Variants in STK33 observed in about 807,000 individuals in gnomAD.
STK33 encodes serine/threonine-protein kinase 33.
STK33 carries 52 observed loss-of-function variants against 58.0 expected under a neutral mutation model. The observed-to-expected ratio is 0.90, with a 90% CI of 0.72 to 1.13. The LOEUF is 1.13. STK33 is among the 50% of genes most tolerant of loss of function. The pLI is 0.00. For synonymous variants in STK33, 215 were observed against 200.1 expected (o/e 1.07, Z -0.63); for missense variants, 630 against 604.2 (o/e 1.04, Z -0.45).
chr11:8,503,583 T>A (rs1051071866), intron 1 of STK33, among the ~76,000 whole-genome samples: 4 of 152,194 alleles, frequency 2.6e-5, no homozygotes, highest in African/African-American at 4.8e-5. Context: ...AACTTATTTA[T>A]GTAACAAACC....
chr11:8,398,404 C>A (rs1201865756), intron 15 of STK33, among the ~76,000 whole-genome samples: 1 of 152,132 alleles, frequency 6.6e-6, no homozygotes, highest in Non-Finnish European at 1.5e-5. Context: ...CACAGACAAG[C>A]AAATGCTGAG....
At chr11:8,517,933 G>C (rs548748928) in intron 1 of STK33, among the ~76,000 whole-genome samples, 45 of 152,270 alleles carry the variant, frequency 3.0e-4, no homozygotes, top group Non-Finnish European at 5.4e-4. Context: ...TATTATCCAG[G>C]AGAACTTCCC....
At chr11:8,522,317 C>A (rs1464988293) in intron 1 of STK33, among the ~76,000 whole-genome samples, 1 of 152,130 alleles carries the variant, frequency 6.6e-6, no homozygotes, top group African/African-American at 2.4e-5. Flanking sequence ...AGTTCATGTC[C>A]TTTGCAGGGA....
rs754338855 is a variant in STK33 at position 8,474,823 on chromosome 11, C to T, written c.83G>A (p.Cys28Tyr). The T allele has an allele frequency of 1.9e-6, 3 of 1,612,988 alleles. No individual in the cohort carries two copies. The highest frequency in any genetic ancestry group is 1.1e-5 in the South Asian group (1 of 90,674). Reference sequence around the variant, plus strand: ...TGGAGGAACCCTTGTTTTGCTGGAACATACACAAAGTACATCTTTCTGAGA... The same window carrying T: ...TGGAGGAACCCTTGTTTTGCTGGAATATACACAAAGTACATCTTTCTGAGA... The part of the protein sequence containing the change: ...SASQKDVLCV[C>Y]SSKTRVPPVL... The change falls in exon 5 of 16, where the codon TGT becomes TAT. Residue 28 changes from cysteine (C) to tyrosine (Y), a missense_variant. Physicochemically the swap from Cys to Tyr is radical, Grantham distance 194. Transcript: ENST00000687296.
chr11:8,340,039 C>T, the STK33 span, among the ~76,000 whole-genome samples: 2 of 152,250 alleles, frequency 1.3e-5, no homozygotes, highest in Non-Finnish European at 2.9e-5. Flanking sequence ...CAGCTGAGGG[C>T]CTTGGGGAAC....
At chr11:8,424,473 G>A (rs1054934976) in intron 14 of STK33, among the ~76,000 whole-genome samples, 1 of 151,610 alleles carries the variant, frequency 6.6e-6, no homozygotes, top group African/African-American at 2.4e-5. Context: ...CTTTATAGCA[G>A]CATGATTTAT....
At chr11:8,340,821 A>G in the STK33 span, among the ~76,000 whole-genome samples, 7,208 of 152,198 alleles carry the variant, frequency 0.047, 235 homozygotes, top group Middle Eastern at 0.12. Context: ...GTCTTGCCCC[A>G]GGTCAAACTT....
intron 15 of STK33, among the ~76,000 whole-genome samples, chr11:8,400,106 C>T (rs1850117562): frequency 6.6e-6 from 1 of 152,208 alleles, no homozygotes; most frequent in African/African-American, 2.4e-5. Context: ...GGAATCCTCC[C>T]TAGCTCATTT....
chr11:8,350,433 G>A, the STK33 span, among the ~76,000 whole-genome samples: 3 of 152,200 alleles, frequency 2.0e-5, no homozygotes, highest in African/African-American at 7.2e-5. Flanking sequence ...AGCCAGCTGA[G>A]AAGCATCGGA....
intron 1 of STK33, among the ~76,000 whole-genome samples, chr11:8,590,917 C>T (rs1353779783): frequency 6.6e-6 from 1 of 152,134 alleles, no homozygotes; most frequent in Non-Finnish European, 1.5e-5. Flanking sequence ...ATTGCATTTT[C>T]CATTTTGTAA....
intron 15 of STK33, among the ~76,000 whole-genome samples, chr11:8,412,252 C>G (rs1038965007): frequency 6.6e-6 from 1 of 151,928 alleles, no homozygotes; most frequent in Non-Finnish European, 1.5e-5. Context: ...ATAAGAAATG[C>G]AAACATGGAA....
At chr11:8,387,653 C>A (rs1848562344), downstream of STK33, among the ~76,000 whole-genome samples, 1 of 152,214 alleles carries the variant, frequency 6.6e-6, no homozygotes, top group Non-Finnish European at 1.5e-5. Context: ...TATTATAGCT[C>A]AAAGTCCAGC....
chr11:8,510,217 C>T (rs1378742318), intron 1 of STK33, among the ~76,000 whole-genome samples: 3 of 152,140 alleles, frequency 2.0e-5, no homozygotes, highest in African/African-American at 7.2e-5. Context: ...TAAGGTATCT[C>T]ATTGTGGTTT....
the STK33 span, among the ~76,000 whole-genome samples, chr11:8,384,427 ACT>A: frequency 2.8e-4 from 42 of 152,184 alleles, no homozygotes; most frequent in African/African-American, 9.9e-4. Flanking sequence ...GTTAGAGAAC[ACT>A]CTGCTCCACC....
chr11:8,490,793 A>C (rs775174643), intron 1 of STK33, among the ~76,000 whole-genome samples: 5 of 152,188 alleles, frequency 3.3e-5, no homozygotes, highest in Admixed American at 6.5e-5. Context: ...ATCCCCAGGG[A>C]AACACGGTCT....
the STK33 span, among the ~76,000 whole-genome samples, chr11:8,379,226 T>C: frequency 2.6e-5 from 4 of 152,256 alleles, no homozygotes; most frequent in East Asian, 1.9e-4. Context: ...CTCCTGCACA[T>C]TGGCCTAGGC....
chr11:8,423,000 C>CTATGTCCTGAATGGTATTGCCTAGGTTTT (rs1564916298), intron 14 of STK33, among the ~76,000 whole-genome samples: 3 of 149,804 alleles, frequency 2.0e-5, no homozygotes, highest in South Asian at 2.1e-4. Context: ...GCCACCATGC[C>CTATGTCCTGAATGGTATTGCCTAGGTTTT]CGGCTGATTT....
chr11:8,369,365 C>T, the STK33 span, among the ~76,000 whole-genome samples: 667 of 148,544 alleles, frequency 4.5e-3, 9 homozygotes, highest in African/African-American at 0.016. Context: ...GTGTGCTATA[C>T]GATGGCACAG....
the STK33 span, among the ~76,000 whole-genome samples, chr11:8,342,970 G>A: frequency 2.0e-5 from 3 of 152,222 alleles, no homozygotes; most frequent in Non-Finnish European, 2.9e-5. Flanking sequence ...CTTTTGGTGG[G>A]GGCACTGAGG....
Sources: gnomAD v4.1 joint callset for allele counts (sites outside exome capture counted in the v4.1 genomes callset) on GRCh38, gnomAD v4.1.1 for gene constraint, MANE v1.5 for transcripts, NCBI Gene and HGNC (gene_info 2026-07-23, HGNC 2026-07-21) for gene names.